Variants in STK10 observed in about 807,000 individuals in gnomAD.
The protein encoded by STK10 is serine/threonine kinase 10.
Under a neutral mutation model 113.8 loss-of-function variants are expected in STK10, and 78 were observed. The observed-to-expected ratio is 0.69, with a 90% CI of 0.57 to 0.83. The LOEUF (loss-of-function observed/expected upper bound fraction) is 0.83. Among genes scored for constraint, STK10 ranks in the 40% least tolerant of loss-of-function variants. STK10 has a pLI of 0.00. For missense variants in STK10, 1,109 were observed against 1,280.1 expected (o/e 0.87, Z 2.04); for synonymous variants, 465 against 494.7 (o/e 0.94, Z 0.80).
At chr5:172,052,785 T>C in intron 18 of STK10, 144 bp downstream of exon 18, 1 of 757,916 alleles carries the variant, frequency 1.3e-6, no homozygotes, top group Non-Finnish European at 2.1e-6. Flanking sequence ...AAAGTTCCCC[T>C]CTCTCTCAGG....
chr5:172,074,193 A>T (rs1407793155), intron 12 of STK10, among the ~76,000 whole-genome samples: 1 of 152,134 alleles, frequency 6.6e-6, no homozygotes, highest in Non-Finnish European at 1.5e-5. Flanking sequence ...CAGTAGGATG[A>T]TTCTAAGGTT....
At chr5:172,116,237 C>G (rs1033717885) in intron 4 of STK10, among the ~76,000 whole-genome samples, 1 of 151,996 alleles carries the variant, frequency 6.6e-6, no homozygotes, top group African/African-American at 2.4e-5. Context: ...TGTGCCACCA[C>G]GCCCGGCTAA....
Position 172,055,603 on chromosome 5 carries a change from A to G in STK10, c.2511T>C (p.Arg837=). Residue 837 remains arginine (R), a synonymous_variant, in exon 16 of 19, where the codon CGT becomes CGC. Coordinates refer to ENST00000176763, the MANE Select transcript of STK10 (RefSeq NM_005990.4). ...INGGGSAAEQ[R]EKIKQFSQQE... is the part of the protein sequence containing the mutation. ...CGGCCCCCACCTGCTTGATCTTCTCACGCTGCTCAGCTGCGCTGCCCCCGC... is the reference window on the plus strand; with the variant it reads ...CGGCCCCCACCTGCTTGATCTTCTCGCGCTGCTCAGCTGCGCTGCCCCCGC... The G allele has an allele frequency of 1.3e-6, 2 of 1,515,352 alleles. No individual in the cohort carries two copies. Among genetic ancestry groups the G allele is most frequent in the Non-Finnish European group, 1.8e-6 (2 of 1,125,636 alleles). 93.9% of individuals were successfully genotyped at this position (1,515,352 alleles called of 1,614,324 possible). A position where few individuals can be genotyped will look rare whatever the true frequency, so the allele number is the denominator to read the frequency against.
At chr5:172,175,125 C>T (rs1283690218) in intron 1 of STK10, among the ~76,000 whole-genome samples, 2 of 152,138 alleles carry the variant, frequency 1.3e-5, no homozygotes, top group Admixed American at 1.3e-4. Context: ...AAGTGATCCT[C>T]CTGCCTCAGC....
At chr5:172,160,955 C>T (rs1770458134) in intron 1 of STK10, among the ~76,000 whole-genome samples, 4 of 152,142 alleles carry the variant, frequency 2.6e-5, no homozygotes, top group Non-Finnish European at 4.4e-5. Context: ...GACCAGATGC[C>T]AACAGACATT....
chr5:172,111,330 C>T (rs560336246), intron 4 of STK10, among the ~76,000 whole-genome samples: 8 of 152,278 alleles, frequency 5.3e-5, no homozygotes, highest in African/African-American at 1.7e-4. Context: ...GGCCACTCCC[C>T]GACCACAGGC....
At chr5:172,084,100 C>CAT (rs200671063) in intron 10 of STK10, among the ~76,000 whole-genome samples, 6,264 of 151,670 alleles carry the variant, frequency 0.041, 439 homozygotes, top group African/African-American at 0.14. Flanking sequence ...CATAAGGAAA[C>CAT]ATATTAAAAA....
chr5:172,180,647 A>AC (rs113176267), intron 1 of STK10, among the ~76,000 whole-genome samples: 2 of 89,160 alleles, frequency 2.2e-5, no homozygotes, highest in Admixed American at 1.0e-4. Flanking sequence ...AACAACAACA[A>AC]AAAAAAAAAA....
At chr5:172,079,225 G>A (rs920915695) in intron 12 of STK10, among the ~76,000 whole-genome samples, 1 of 152,090 alleles carries the variant, frequency 6.6e-6, no homozygotes, top group Non-Finnish European at 1.5e-5. Context: ...TGCTTCCTAA[G>A]CTCCTGCTAC....
intron 1 of STK10, among the ~76,000 whole-genome samples, chr5:172,178,442 C>T (rs1770795941): frequency 6.6e-6 from 1 of 152,178 alleles, no homozygotes; most frequent in Non-Finnish European, 1.5e-5. Flanking sequence ...TGTCCCTGTA[C>T]AACTCTCATC....
intron 3 of STK10, among the ~76,000 whole-genome samples, chr5:172,118,923 C>G (rs3103575): frequency 0.36 from 52,398 of 146,454 alleles, 11,508 homozygotes; most frequent in African/African-American, 0.62. Flanking sequence ...ACCCTCTCTT[C>G]GGTGACCCAT....
At chr5:172,175,078 T>C (rs907419659) in intron 1 of STK10, among the ~76,000 whole-genome samples, 2 of 152,164 alleles carry the variant, frequency 1.3e-5, no homozygotes, top group African/African-American at 4.8e-5. Flanking sequence ...TGCAGTGGTG[T>C]GATCACAGCT....
At chr5:172,156,860 A>G (rs1006691312) in intron 1 of STK10, 72 bp from the exon 2 acceptor site, 4 of 1,536,458 alleles carry the variant, frequency 2.6e-6, no homozygotes, top group African/African-American at 2.7e-5. Context: ...GTGAGCCCGC[A>G]GTCCTGCATG....
intron 13 of STK10, among the ~76,000 whole-genome samples, chr5:172,063,042 G>A (rs1431844019): frequency 6.6e-6 from 1 of 152,162 alleles, no homozygotes; most frequent in Non-Finnish European, 1.5e-5. Flanking sequence ...CTGAGGTCAG[G>A]AGTTCGAGAC....
chr5:172,162,935 G>A (rs2113824591), intron 1 of STK10, among the ~76,000 whole-genome samples: 1 of 152,344 alleles, frequency 6.6e-6, no homozygotes, highest in East Asian at 1.9e-4. Context: ...GCCTCAGCCA[G>A]TACCAGTGTC....
At chr5:172,160,418 T>C (rs367936888) in intron 1 of STK10, among the ~76,000 whole-genome samples, 9 of 150,974 alleles carry the variant, frequency 6.0e-5, no homozygotes, top group African/African-American at 1.9e-4. Flanking sequence ...GAGGTTGCAG[T>C]GAGCCGAGAT....
intron 18 of STK10, 57 bp from the exon 19 acceptor site, chr5:172,045,079 C>T (rs1767470104): frequency 6.3e-7 from 1 of 1,596,232 alleles, no homozygotes; most frequent in Admixed American, 1.7e-5. Context: ...ACACGTGGGT[C>T]TCCCACTCAC....
chr5:172,097,672 T>TG (rs1444983469), intron 7 of STK10, among the ~76,000 whole-genome samples: 3 of 152,214 alleles, frequency 2.0e-5, no homozygotes, highest in African/African-American at 7.2e-5. Context: ...GCTGGACATC[T>TG]GGGCTGTTTC....
chr5:172,091,905 G>A (rs527242105), intron 9 of STK10, among the ~76,000 whole-genome samples: 1 of 152,326 alleles, frequency 6.6e-6, no homozygotes, highest in South Asian at 2.1e-4. Flanking sequence ...AGAGGAGTGA[G>A]GAGCCAGCGT....
Sources: allele counts gnomAD v4.1 joint callset (sites outside exome capture counted in the v4.1 genomes callset), GRCh38; gene constraint gnomAD v4.1.1; transcripts MANE v1.5; gene names NCBI Gene and HGNC (gene_info 2026-07-23, HGNC 2026-07-21).